The following TENM2 variants were observed in gnomAD, a reference collection of about 807,000 sequenced individuals.
The protein encoded by TENM2 is teneurin-2.
In TENM2, 52 loss-of-function variants were observed where a neutral mutation model predicts 245.2. The ratio of observed to expected loss-of-function variants is 0.21; its 90% confidence interval spans 0.17 to 0.27. The LOEUF (loss-of-function observed/expected upper bound fraction) is 0.27. TENM2 is among the 10% of genes least tolerant of loss of function. The pLI is 1.00. For missense variants in TENM2, 3,046 were observed against 3,666.8 expected (o/e 0.83, Z 4.37); for synonymous variants, 1,363 against 1,438.9 (o/e 0.95, Z 1.19).
intron 2 of TENM2, among the ~76,000 whole-genome samples, chr5:167,774,606 T>C (rs1426571473): frequency 3.3e-5 from 5 of 152,180 alleles, no homozygotes; most frequent in African/African-American, 9.7e-5. Context: ...AATTCATACA[T>C]GGATACCCCT....
intron 19 of TENM2, among the ~76,000 whole-genome samples, chr5:168,207,065 C>G (rs1036062346): frequency 4.6e-5 from 7 of 152,174 alleles, no homozygotes; most frequent in Non-Finnish European, 2.9e-5. Flanking sequence ...CAGCAGAAAC[C>G]ATTGTCACCC....
At chr5:167,587,244 A>G (rs1305035782) in intron 2 of TENM2, among the ~76,000 whole-genome samples, 1 of 152,088 alleles carries the variant, frequency 6.6e-6, no homozygotes, top group Non-Finnish European at 1.5e-5. Context: ...ATATTTCTCT[A>G]TGCTTCTCCC....
the TENM2 span, among the ~76,000 whole-genome samples, chr5:167,178,012 T>C: frequency 0.037 from 5,610 of 152,270 alleles, 350 homozygotes; most frequent in African/African-American, 0.13. Flanking sequence ...CCTTATAACA[T>C]TCATAACCAT....
At chr5:167,070,284 A>ATTTTTTTTTTTT in the TENM2 span, among the ~76,000 whole-genome samples, 5,756 of 98,612 alleles carry the variant, frequency 0.058, 351 homozygotes, top group East Asian at 0.18. Flanking sequence ...CGCCCGGCTA[A>ATTTTTTTTTTTT]TTTTTTTTTT....
At chr5:167,510,070 C>T (rs1018621924) in intron 2 of TENM2, among the ~76,000 whole-genome samples, 2 of 152,176 alleles carry the variant, frequency 1.3e-5, no homozygotes, top group Non-Finnish European at 2.9e-5. Flanking sequence ...TATAGATTTG[C>T]ATCGGGAGCC....
intron 2 of TENM2, among the ~76,000 whole-genome samples, chr5:167,493,475 G>T (rs946960546): frequency 6.6e-6 from 1 of 152,194 alleles, no homozygotes; most frequent in East Asian, 1.9e-4. Context: ...AAAAATGGAA[G>T]TAGTCATAGT....
At chr5:167,489,321 G>A (rs887052172) in intron 2 of TENM2, among the ~76,000 whole-genome samples, 5 of 152,098 alleles carry the variant, frequency 3.3e-5, no homozygotes, top group African/African-American at 1.2e-4. Flanking sequence ...CTTCTGTGAT[G>A]TAGTATACTG....
intron 4 of TENM2, among the ~76,000 whole-genome samples, chr5:167,990,899 A>T (rs1252084821): frequency 6.6e-6 from 1 of 152,244 alleles, no homozygotes; most frequent in Admixed American, 6.5e-5. Context: ...ATCCTGCCTT[A>T]GAAGCCCACT....
At chr5:167,282,989 A>G (rs550706686), upstream of TENM2, among the ~76,000 whole-genome samples, 1 of 152,190 alleles carries the variant, frequency 6.6e-6, no homozygotes, top group African/African-American at 2.4e-5. Flanking sequence ...GTGCTTTCTT[A>G]TGAGCAACTG....
intron 2 of TENM2, among the ~76,000 whole-genome samples, chr5:167,742,365 AATT>A (rs1761236840): frequency 1.4e-5 from 2 of 144,344 alleles, no homozygotes; most frequent in South Asian, 4.4e-4. Context: ...TACATAGATA[AATT>A]AAAAAAAAAA....
the TENM2 span, among the ~76,000 whole-genome samples, chr5:167,166,262 C>T: frequency 6.6e-6 from 1 of 152,080 alleles, no homozygotes; most frequent in Non-Finnish European, 1.5e-5. Context: ...ACACAAACTT[C>T]CAGGTAGTAA....
chr5:167,284,966 T>C, exon 1 of TENM2: 1 of 1,551,582 alleles, frequency 6.4e-7, no homozygotes, highest in Non-Finnish European at 8.7e-7. Flanking sequence ...ACAGCTCCAG[T>C]GAGACTCTGA....
chr5:167,178,356 T>C, the TENM2 span, among the ~76,000 whole-genome samples: 2 of 152,208 alleles, frequency 1.3e-5, no homozygotes, highest in African/African-American at 4.8e-5. Flanking sequence ...AAACTCCACA[T>C]TAAAGCATCC....
At chr5:167,959,082 T>C (rs749976388) in intron 4 of TENM2, among the ~76,000 whole-genome samples, 3 of 152,210 alleles carry the variant, frequency 2.0e-5, no homozygotes, top group Admixed American at 6.5e-5. Flanking sequence ...TGTTTTCCAA[T>C]TTGGTTCCAT....
intron 2 of TENM2, among the ~76,000 whole-genome samples, chr5:167,589,394 T>C (rs905372630): frequency 8.5e-5 from 13 of 152,080 alleles, no homozygotes; most frequent in African/African-American, 2.9e-4. Context: ...ATAACACTAA[T>C]AGTTTTATTT....
intron 2 of TENM2, among the ~76,000 whole-genome samples, chr5:167,583,090 G>T (rs1296238248): frequency 6.6e-6 from 1 of 152,158 alleles, no homozygotes; most frequent in Non-Finnish European, 1.5e-5. Flanking sequence ...ACATAATGTA[G>T]CCATGAACTA....
At chr5:167,206,410 A>G in the TENM2 span, among the ~76,000 whole-genome samples, 1 of 152,198 alleles carries the variant, frequency 6.6e-6, no homozygotes, top group Non-Finnish European at 1.5e-5. Context: ...GGCTTGTTGT[A>G]GTTCCCAATC....
chr5:168,216,855 T>C (rs766834954), exon 22 of TENM2: 1 of 1,613,998 alleles, frequency 6.2e-7, no homozygotes, highest in East Asian at 2.2e-5. Flanking sequence ...ATCTCCACCC[T>C]GCTGGGCTCC....
intron 3 of TENM2, among the ~76,000 whole-genome samples, chr5:167,923,443 T>A (rs575826823): frequency 1.6e-4 from 25 of 152,326 alleles, no homozygotes; most frequent in Admixed American, 1.4e-3. Flanking sequence ...TGCATCTGAA[T>A]AGAAATAGGA....
Sources: allele counts gnomAD v4.1 joint callset (sites outside exome capture counted in the v4.1 genomes callset), GRCh38; gene constraint gnomAD v4.1.1; transcripts MANE v1.5; gene names NCBI Gene and HGNC (gene_info 2026-07-23, HGNC 2026-07-21).